The following ADAMTS12 variants were observed in gnomAD, a reference collection of about 807,000 sequenced individuals.
The protein encoded by ADAMTS12 is A disintegrin and metalloproteinase with thrombospondin motifs 12.
Under a neutral mutation model 167.8 loss-of-function variants are expected in ADAMTS12, and 118 were observed. The ratio of observed to expected loss-of-function variants is 0.70; its 90% CI spans 0.61 to 0.82. The LOEUF (loss-of-function observed/expected upper bound fraction) is 0.82, where lower values mean the gene tolerates loss of function less well. Among genes scored for constraint, ADAMTS12 ranks in the 40% least tolerant of loss-of-function variants. The probability of loss-of-function intolerance (pLI) is 0.00; values close to 1 mark genes in which losing one functional copy is unlikely to be tolerated. For missense variants in ADAMTS12, 1,916 were observed against 1,998.8 expected (o/e 0.96, Z 0.79); for synonymous variants, 704 against 716.9 (o/e 0.98, Z 0.29).
intron 2 of ADAMTS12, among the ~76,000 whole-genome samples, chr5:33,793,003 C>T (rs1746634803): frequency 1.3e-5 from 2 of 152,264 alleles, no homozygotes; most frequent in African/African-American, 4.8e-5. Flanking sequence ...ACAGCAGGCA[C>T]TGAGTTCTGG....
At chr5:33,555,194 C>T (rs1745433105) in intron 20 of ADAMTS12, among the ~76,000 whole-genome samples, 1 of 152,104 alleles carries the variant, frequency 6.6e-6, no homozygotes, top group East Asian at 1.9e-4. Flanking sequence ...ATTTTTCAAG[C>T]TCATTATTAT....
intron 15 of ADAMTS12, among the ~76,000 whole-genome samples, chr5:33,614,891 G>A (rs1738911618): frequency 6.6e-6 from 1 of 152,058 alleles, no homozygotes; most frequent in Non-Finnish European, 1.5e-5. Context: ...GTGGCTCAGC[G>A]AATGTTAACT....
intron 3 of ADAMTS12, among the ~76,000 whole-genome samples, chr5:33,735,495 T>C (rs977503643): frequency 4.6e-5 from 7 of 152,186 alleles, no homozygotes; most frequent in Non-Finnish European, 1.0e-4. Flanking sequence ...ATCTAAAATG[T>C]AACCACTTAA....
In ADAMTS12 at chr5:33,821,698, A is replaced by T. The variant is rs185366649; in HGVS notation, c.489+59421T>A. 5.2e-3 allele frequency among the ~76,000 whole-genome samples: 787 copies of T among 152,282 alleles called. 12 individuals are homozygous for T. The highest frequency in any genetic ancestry group is 0.018 in the African/African-American group (730 of 41,556). On this transcript the variant is annotated intron_variant, in intron 2 of 23. Transcript: ENST00000504830. ...ACATTTTACTTACAATTTTAAATTT[A>T]AAAAAATCATTCCTGTTGCTTAGCT...
chr5:33,681,487 G>C (rs1467104719), intron 5 of ADAMTS12, among the ~76,000 whole-genome samples: 1 of 152,136 alleles, frequency 6.6e-6, no homozygotes, highest in East Asian at 1.9e-4. Context: ...TTGTGTCCCA[G>C]GCACTGTTTT....
At chr5:33,655,628 T>A (rs201321784) in intron 7 of ADAMTS12, among the ~76,000 whole-genome samples, 5 of 145,784 alleles carry the variant, frequency 3.4e-5, no homozygotes, top group Non-Finnish European at 7.5e-5. Context: ...TAGTTTTATT[T>A]ATTTAATTTA....
chr5:33,653,350 C>T (rs1181752074), intron 7 of ADAMTS12, among the ~76,000 whole-genome samples: 1 of 151,956 alleles, frequency 6.6e-6, no homozygotes, highest in African/African-American at 2.4e-5. Flanking sequence ...GCTTTGCATC[C>T]CTGAAATAAA....
chr5:33,629,544 G>A (rs962050322), intron 13 of ADAMTS12, among the ~76,000 whole-genome samples: 1 of 152,122 alleles, frequency 6.6e-6, no homozygotes, highest in African/African-American at 2.4e-5. Context: ...GGAAGGCTAG[G>A]AAGAATGAGT....
chr5:33,608,586 C>T (rs1738563396), intron 16 of ADAMTS12, among the ~76,000 whole-genome samples: 1 of 152,062 alleles, frequency 6.6e-6, no homozygotes, highest in Admixed American at 6.5e-5. Flanking sequence ...CACAGCTGCC[C>T]CAGAGAAGCC....
intron 2 of ADAMTS12, among the ~76,000 whole-genome samples, chr5:33,768,179 C>T (rs752504337): frequency 6.6e-6 from 1 of 152,230 alleles, no homozygotes; most frequent in Non-Finnish European, 1.5e-5. Flanking sequence ...TGGAAGAGGG[C>T]TGTGCTGTTT....
At chr5:33,697,031 A>G (rs1424130135) in intron 3 of ADAMTS12, among the ~76,000 whole-genome samples, 4 of 152,010 alleles carry the variant, frequency 2.6e-5, no homozygotes, top group Admixed American at 6.6e-5. Context: ...TTTATTACAT[A>G]CCTCCCTCTG....
intron 2 of ADAMTS12, among the ~76,000 whole-genome samples, chr5:33,839,016 A>G (rs1748638298): frequency 1.3e-5 from 2 of 152,172 alleles, no homozygotes; most frequent in Admixed American, 1.3e-4. Flanking sequence ...CTGTGTGTCC[A>G]ACTTCCTTTG....
chr5:33,652,308 T>A (rs1740892931), intron 7 of ADAMTS12, among the ~76,000 whole-genome samples: 1 of 152,220 alleles, frequency 6.6e-6, no homozygotes, highest in Non-Finnish European at 1.5e-5. Flanking sequence ...TTTGATTTTT[T>A]AAATAATACT....
intron 16 of ADAMTS12, among the ~76,000 whole-genome samples, chr5:33,598,070 C>T (rs1737997341): frequency 6.6e-6 from 1 of 152,186 alleles, no homozygotes; most frequent in Non-Finnish European, 1.5e-5. Flanking sequence ...GGTCAATCCA[C>T]TGCACCAGCT....
Position 33,576,061 on chromosome 5 carries a change from C to T in ADAMTS12, c.3965G>A (p.Trp1322Ter). 1 of 1,611,046 alleles carries T rather than the reference C, an allele frequency of 6.2e-7. No homozygotes were observed. The highest frequency in any genetic ancestry group is 8.5e-7 in the Non-Finnish European group (1 of 1,178,080). The change falls in exon 19 of 24, where the codon TGG becomes TAG. Residue 1322 changes from tryptophan to a stop codon, truncating the protein, a stop_gained. Transcript: ENST00000504830. LOFTEE classifies it high-confidence loss of function. The stretch of plus-strand genomic sequence containing the variant: ...GGGTAGGAAATGTCTTACCTCGCTC[C>T]AGTTTCCGACGATCCAGTGTGCAGA... ...HGSAHWIVGNWSECSTTCGLG... is the reference protein window; with the variant it reads ...HGSAHWIVGN
At chr5:33,725,147 A>G (rs1255451757) in intron 3 of ADAMTS12, among the ~76,000 whole-genome samples, 4 of 152,092 alleles carry the variant, frequency 2.6e-5, no homozygotes, top group Non-Finnish European at 4.4e-5. Context: ...GGAATTGACA[A>G]TCGGCATTCC....
At chr5:33,543,811 C>G (rs1253825672) in intron 22 of ADAMTS12, among the ~76,000 whole-genome samples, 2 of 152,058 alleles carry the variant, frequency 1.3e-5, no homozygotes, top group African/African-American at 2.4e-5. Flanking sequence ...AAATTCAACA[C>G]CCCTTCATGC....
At chr5:33,764,351 C>CT (rs1338063154) in intron 2 of ADAMTS12, among the ~76,000 whole-genome samples, 8 of 152,126 alleles carry the variant, frequency 5.3e-5, no homozygotes, top group African/African-American at 1.7e-4. Context: ...ATAATATATC[C>CT]TTAGATTGGA....
chr5:33,591,959 G>A (rs1747663703), intron 17 of ADAMTS12, among the ~76,000 whole-genome samples: 1 of 151,862 alleles, frequency 6.6e-6, no homozygotes, highest in Admixed American at 6.6e-5. Context: ...GGTAGCTCAC[G>A]CCTGTAATCC....
Sources: allele counts gnomAD v4.1 joint callset (sites outside exome capture counted in the v4.1 genomes callset), GRCh38; gene constraint gnomAD v4.1.1; transcripts MANE v1.5; gene names NCBI Gene and HGNC (gene_info 2026-07-23, HGNC 2026-07-21).